The following COL22A1 variants were observed in gnomAD, a reference collection of about 807,000 sequenced individuals.
COL22A1 encodes collagen type XXII alpha 1 chain.
A neutral mutation model predicts 248.9 loss-of-function variants in COL22A1; 221 were observed. That is an observed-to-expected ratio of 0.89 (90% CI 0.80 to 0.99). The LOEUF (loss-of-function observed/expected upper bound fraction) is 0.99. Ranked by LOEUF, COL22A1 falls within the 50% of genes least tolerant of loss-of-function variation. The probability of loss-of-function intolerance (pLI) is 0.00; values close to 1 mark genes in which losing one functional copy is unlikely to be tolerated. For missense variants in COL22A1, 2,240 were observed against 2,179.0 expected (o/e 1.03, Z -0.56); for synonymous variants, 891 against 793.4 (o/e 1.12, Z -2.07).
At chr8:138,661,099 C>T (rs1266088396) in intron 43 of COL22A1, among the ~76,000 whole-genome samples, 1 of 85,800 alleles carries the variant, frequency 1.2e-5, no homozygotes, top group Non-Finnish European at 3.5e-5. Context: ...CATACACACA[C>T]ACACACACAG....
At chr8:138,737,925 T>C (rs1831247968) in intron 22 of COL22A1, among the ~76,000 whole-genome samples, 1 of 152,064 alleles carries the variant, frequency 6.6e-6, no homozygotes, top group African/African-American at 2.4e-5. Flanking sequence ...CTAATCTTAC[T>C]AGATGCTGGT....
chr8:138,602,246 T>A (rs1818083386), intron 59 of COL22A1, 87 bp from the exon 60 acceptor site: 9 of 1,470,306 alleles, frequency 6.1e-6, no homozygotes, highest in Admixed American at 3.4e-5. Flanking sequence ...CAGTCCTGCA[T>A]GCTGAGGACA....
chr8:138,605,126 A>T (rs1818324567), intron 58 of COL22A1, among the ~76,000 whole-genome samples: 1 of 152,074 alleles, frequency 6.6e-6, no homozygotes. Flanking sequence ...CCAATAAGAC[A>T]CTGGGCTCCA....
intron 41 of COL22A1, among the ~76,000 whole-genome samples, chr8:138,671,864 T>C (rs1349798573): frequency 6.6e-6 from 1 of 152,210 alleles, no homozygotes; most frequent in Non-Finnish European, 1.5e-5. Flanking sequence ...TTCCTTATGA[T>C]TTTTTTCATA....
At chr8:138,799,219 C>A (rs925390823) in intron 11 of COL22A1, among the ~76,000 whole-genome samples, 5 of 152,012 alleles carry the variant, frequency 3.3e-5, no homozygotes, top group Admixed American at 6.5e-5. Flanking sequence ...GTCATTATGC[C>A]TTCTTTTGCT....
At chr8:138,700,706 C>T (rs949340160) in intron 31 of COL22A1, among the ~76,000 whole-genome samples, 58 of 152,180 alleles carry the variant, frequency 3.8e-4, no homozygotes, top group African/African-American at 1.4e-3. Flanking sequence ...AAGGCTAGGT[C>T]GGGCGCGGTG....
chr8:138,676,474 A>AAAGAAAGAAAGAAAGAAAGGAAGGAAG, intron 41 of COL22A1, 84 bp downstream of exon 41: 1 of 645,504 alleles, frequency 1.5e-6, no homozygotes. Context: ...AGAAAGAAAG[A>AAAGAAAGAAAGAAAGAAAGGAAGGAAG]AAAGAGTGTT....
chr8:138,616,854 G>T, intron 54 of COL22A1, 60 bp downstream of exon 54: 1 of 1,589,366 alleles, frequency 6.3e-7, no homozygotes, highest in Non-Finnish European at 8.6e-7. Flanking sequence ...AGTATCTTCT[G>T]TCTGGGAAGT....
At chr8:138,800,403 A>G (rs1462256973) in intron 11 of COL22A1, among the ~76,000 whole-genome samples, 1 of 152,224 alleles carries the variant, frequency 6.6e-6, no homozygotes, top group Admixed American at 6.5e-5. Context: ...GAATTTCACC[A>G]GGTATTATCT....
chr8:138,773,335 T>G (rs532011266), intron 16 of COL22A1, among the ~76,000 whole-genome samples: 1 of 152,146 alleles, frequency 6.6e-6, no homozygotes, highest in Non-Finnish European at 1.5e-5. Context: ...GGTACTGGAT[T>G]TGGTTCTGAT....
intron 17 of COL22A1, among the ~76,000 whole-genome samples, chr8:138,760,810 A>T (rs1049583640): frequency 6.6e-6 from 1 of 152,076 alleles, no homozygotes; most frequent in Non-Finnish European, 1.5e-5. Context: ...CTGCTCTTCA[A>T]TGTCCCTGCT....
chr8:138,588,259 T>C lies in COL22A1; in HGVS notation c.*994A>G, dbSNP rs1464065380. ...CTCAAGAGAAGGAAACTTGGATTTA[T>C]TGAGCACCTGTTCAGGCAGGGCATG... On this transcript the variant is annotated 3_prime_UTR_variant, in exon 65 of 65. Transcript: ENST00000303045. 6.6e-6 allele frequency: 1 copy of C among 152,198 alleles called. No homozygotes were observed. Among genetic ancestry groups the C allele is most frequent in the Admixed American group, 6.5e-5 (1 of 15,278 alleles). The allele number at this position is 152,198 out of a possible 1,614,324, so 9.4% of individuals were successfully genotyped here. A position where few individuals can be genotyped will look rare whatever the true frequency, so the allele number is the denominator to read the frequency against.
At chr8:138,783,424 T>C (rs1815221791) in intron 12 of COL22A1, among the ~76,000 whole-genome samples, 2 of 152,014 alleles carry the variant, frequency 1.3e-5, no homozygotes, top group African/African-American at 4.8e-5. Flanking sequence ...TGGAGTTCAG[T>C]GTTCCAGGGC....
At chr8:138,739,025 G>A (rs1831350071) in intron 22 of COL22A1, among the ~76,000 whole-genome samples, 1 of 152,144 alleles carries the variant, frequency 6.6e-6, no homozygotes, top group Non-Finnish European at 1.5e-5. Flanking sequence ...CAGAACCACT[G>A]CAGTAGCCTT....
At chr8:138,904,830 G>A (rs942953013) in intron 1 of COL22A1, among the ~76,000 whole-genome samples, 1 of 152,172 alleles carries the variant, frequency 6.6e-6, no homozygotes, top group Non-Finnish European at 1.5e-5. Flanking sequence ...TTTTCTGGGA[G>A]AGAATAATGA....
intron 50 of COL22A1, among the ~76,000 whole-genome samples, chr8:138,629,433 C>T (rs1026912304): frequency 9.9e-5 from 15 of 152,196 alleles, no homozygotes; most frequent in African/African-American, 3.4e-4. Flanking sequence ...GGATTACAGG[C>T]ATGAGCCACT....
chr8:138,677,514 G>T (rs938299506), intron 40 of COL22A1, among the ~76,000 whole-genome samples: 2 of 151,962 alleles, frequency 1.3e-5, no homozygotes, highest in African/African-American at 2.4e-5. Context: ...GCCGAGCCAC[G>T]CCTTATTCGT....
chr8:138,870,489 G>A (rs998620129), intron 3 of COL22A1, among the ~76,000 whole-genome samples: 8 of 151,512 alleles, frequency 5.3e-5, no homozygotes, highest in African/African-American at 1.9e-4. Context: ...TGGAGTGTGT[G>A]CACGTGGGGA....
chr8:138,787,150 G>A (rs1036443022), intron 12 of COL22A1, among the ~76,000 whole-genome samples: 3 of 152,218 alleles, frequency 2.0e-5, no homozygotes, highest in African/African-American at 7.2e-5. Context: ...CATGGGATGG[G>A]TCAGGGAGAA....
Sources: allele counts gnomAD v4.1 joint callset (sites outside exome capture counted in the v4.1 genomes callset), GRCh38; gene constraint gnomAD v4.1.1; transcripts MANE v1.5; gene names NCBI Gene and HGNC (gene_info 2026-07-23, HGNC 2026-07-21).